The following DSCAM variants were observed in gnomAD, a reference collection of about 807,000 sequenced individuals.
The protein encoded by DSCAM is cell adhesion molecule DSCAM.
A neutral mutation model predicts 217.7 loss-of-function variants in DSCAM; 47 were observed. The ratio of observed to expected loss-of-function variants is 0.22; its 90% CI spans 0.17 to 0.28. DSCAM has a LOEUF of 0.28. Ranked by LOEUF, DSCAM falls within the 10% of genes least tolerant of loss-of-function variation. The pLI, the probability that DSCAM is intolerant of heterozygous loss-of-function variation, is 1.00. For synonymous variants in DSCAM, 1,056 were observed against 1,015.3 expected (o/e 1.04, Z -0.76); for missense variants, 2,080 against 2,618.3 (o/e 0.79, Z 4.49).
intron 10 of DSCAM, among the ~76,000 whole-genome samples, chr21:40,291,080 T>G (rs1473682346): frequency 6.6e-6 from 1 of 152,176 alleles, no homozygotes; most frequent in Non-Finnish European, 1.5e-5. Flanking sequence ...CCTGGAGTCG[T>G]CCTGTCTGTC....
chr21:40,705,113 G>T (rs2090698078), intron 2 of DSCAM, among the ~76,000 whole-genome samples: 1 of 152,208 alleles, frequency 6.6e-6, no homozygotes, highest in Non-Finnish European at 1.5e-5. Flanking sequence ...AAAAGCTAAG[G>T]TTGAGAACTA....
At chr21:40,556,792 AC>A (rs1463372431) in intron 3 of DSCAM, among the ~76,000 whole-genome samples, 5 of 152,190 alleles carry the variant, frequency 3.3e-5, no homozygotes, top group African/African-American at 1.2e-4. Context: ...AATACCTCCT[AC>A]TAGGCCCCAC....
chr21:40,747,127 T>TA (rs57235365), intron 1 of DSCAM, among the ~76,000 whole-genome samples: 32,422 of 151,224 alleles, frequency 0.21, 3,778 homozygotes, highest in South Asian at 0.34. Context: ...AGATCTCAAA[T>TA]AAAAAATCCA....
chr21:40,376,650 A>G (rs949451361), intron 3 of DSCAM, among the ~76,000 whole-genome samples: 1 of 145,244 alleles, frequency 6.9e-6, no homozygotes, highest in Non-Finnish European at 1.5e-5. Flanking sequence ...ATAGATATCG[A>G]TATCTATATA....
intron 3 of DSCAM, among the ~76,000 whole-genome samples, chr21:40,401,821 C>T (rs2075236281): frequency 6.6e-6 from 1 of 152,086 alleles, no homozygotes; most frequent in African/African-American, 2.4e-5. Flanking sequence ...ATGTTCCCCT[C>T]TGGAGGCTGC....
At chr21:40,382,828 A>G (rs371735227) in intron 3 of DSCAM, among the ~76,000 whole-genome samples, 6 of 152,224 alleles carry the variant, frequency 3.9e-5, no homozygotes, top group Admixed American at 3.9e-4. Flanking sequence ...CCTTGCAATA[A>G]CCTTTGTAAC....
chr21:40,356,995 T>C (rs1373949075), intron 4 of DSCAM, among the ~76,000 whole-genome samples: 2 of 152,208 alleles, frequency 1.3e-5, no homozygotes, highest in African/African-American at 4.8e-5. Flanking sequence ...ACTTCACTGG[T>C]GTCTTATGAC....
At chr21:40,819,888 T>A (rs1381815914) in intron 1 of DSCAM, among the ~76,000 whole-genome samples, 1 of 152,198 alleles carries the variant, frequency 6.6e-6, no homozygotes, top group Non-Finnish European at 1.5e-5. Context: ...GGTCCTTCCA[T>A]GTCTAACTGT....
chr21:40,023,057 G>A (rs1443944679), intron 32 of DSCAM, among the ~76,000 whole-genome samples: 1 of 135,346 alleles, frequency 7.4e-6, no homozygotes, highest in Non-Finnish European at 1.5e-5. Flanking sequence ...AGAGTGTGAT[G>A]TTCCCCTTCC....
intron 3 of DSCAM, among the ~76,000 whole-genome samples, chr21:40,565,476 A>G (rs900911037): frequency 1.3e-5 from 2 of 152,226 alleles, no homozygotes; most frequent in African/African-American, 4.8e-5. Flanking sequence ...GCCTCATGCC[A>G]CTGATGTCAT....
intron 32 of DSCAM, among the ~76,000 whole-genome samples, chr21:40,037,566 A>C (rs149942258): frequency 0.12 from 17,749 of 148,692 alleles, 1,509 homozygotes; most frequent in Middle Eastern, 0.21. Flanking sequence ...AGGAAGAATT[A>C]ATATCGTGAA....
intron 20 of DSCAM, among the ~76,000 whole-genome samples, chr21:40,097,978 G>GAAAGAAAC: frequency 1.9e-5 from 1 of 52,474 alleles, no homozygotes; most frequent in South Asian, 4.2e-4. Flanking sequence ...AAGAAAGAAA[G>GAAAGAAAC]AAAGAAAGAA....
At chr21:40,428,233 TTTGTGTGTGTG>T (rs2075495080) in intron 3 of DSCAM, among the ~76,000 whole-genome samples, 1 of 128,390 alleles carries the variant, frequency 7.8e-6, no homozygotes, top group Non-Finnish European at 1.6e-5. Context: ...GGGCAAATAC[TTTGTGTGTGTG>T]TGTGTGTGTG....
At chr21:40,185,305 T>C (rs1046656463) in intron 14 of DSCAM, among the ~76,000 whole-genome samples, 4 of 152,156 alleles carry the variant, frequency 2.6e-5, no homozygotes, top group East Asian at 1.9e-4. Context: ...CTTTGTGGTC[T>C]CCTTGCCAGT....
At chr21:40,785,590 C>T (rs1435507607) in intron 1 of DSCAM, among the ~76,000 whole-genome samples, 5 of 152,236 alleles carry the variant, frequency 3.3e-5, no homozygotes. Context: ...ACATATCTTT[C>T]AGTTACCACA....
At chr21:40,182,670 A>ACCAGAGAAACCGTGGACG in intron 14 of DSCAM, among the ~76,000 whole-genome samples, 1 of 17,040 alleles carries the variant, frequency 5.9e-5, no homozygotes, top group African/African-American at 2.4e-4. Flanking sequence ...AACCGTGGAC[A>ACCAGAGAAACCGTGGACG]GGGGGGGGTT....
intron 32 of DSCAM, among the ~76,000 whole-genome samples, chr21:40,031,914 G>A (rs2088532461): frequency 6.6e-6 from 1 of 152,184 alleles, no homozygotes; most frequent in Non-Finnish European, 1.5e-5. Context: ...ACTAGCGTCT[G>A]AGGGGTCAGC....
intron 4 of DSCAM, among the ~76,000 whole-genome samples, chr21:40,354,275 ATTTGAT>A (rs1321878216): frequency 6.6e-6 from 1 of 152,352 alleles, no homozygotes; most frequent in East Asian, 1.9e-4. Context: ...AAGTACACTG[ATTTGAT>A]TTTAACAAAT....
At chr21:40,743,968 C>T (rs548156248) in intron 1 of DSCAM, among the ~76,000 whole-genome samples, 2 of 152,164 alleles carry the variant, frequency 1.3e-5, no homozygotes, top group African/African-American at 4.8e-5. Context: ...AGAATACCAC[C>T]ATGAATTCAC....
Sources: gnomAD v4.1 joint callset for allele counts (sites outside exome capture counted in the v4.1 genomes callset) on GRCh38, gnomAD v4.1.1 for gene constraint, MANE v1.5 for transcripts, NCBI Gene and HGNC (gene_info 2026-07-23, HGNC 2026-07-21) for gene names.